LRRC28: variants seen among roughly 807,000 people sequenced by gnomAD.
LRRC28 encodes leucine rich repeat containing 28, also known as leucine-rich repeat-containing protein 28.
LRRC28 carries 39 observed loss-of-function variants against 45.7 expected under a neutral mutation model. The ratio of observed to expected loss-of-function variants is 0.85; its 90% CI spans 0.66 to 1.12. The LOEUF (loss-of-function observed/expected upper bound fraction) is 1.12, where lower values mean the gene tolerates loss of function less well. LRRC28 is among the 50% of genes most tolerant of loss of function. The pLI, the probability that LRRC28 is intolerant of heterozygous loss-of-function variation, is 0.00. For synonymous variants in LRRC28, 206 were observed against 178.8 expected, an observed-to-expected ratio of 1.15 and a Z score of -1.22; for missense variants, 435 against 438.5, an observed-to-expected ratio of 0.99 and a Z score of 0.07.
At chr15:99,324,474 T>C (rs1315786963) in intron 5 of LRRC28, among the ~76,000 whole-genome samples, 1 of 152,094 alleles carries the variant, frequency 6.6e-6, no homozygotes, top group African/African-American at 2.4e-5. Flanking sequence ...ATATCAAGTC[T>C]GTCATTGACT....
chr15:99,299,946 G>A (rs1012756589), intron 5 of LRRC28, among the ~76,000 whole-genome samples: 1 of 152,112 alleles, frequency 6.6e-6, no homozygotes, highest in African/African-American at 2.4e-5. Context: ...ATCACTAGTT[G>A]TTTATATGTC....
intron 3 of LRRC28, among the ~76,000 whole-genome samples, 179 bp downstream of exon 3, chr15:99,276,795 C>G (rs1469560954): frequency 6.6e-6 from 1 of 152,112 alleles, no homozygotes; most frequent in African/African-American, 2.4e-5. Context: ...AAGTATTTAA[C>G]CATTTAAAAT....
intron 3 of LRRC28, chr15:99,285,731 A>G: frequency 1.8e-6 from 1 of 561,248 alleles, no homozygotes; most frequent in Non-Finnish European, 3.2e-6. Context: ...ACTTTAGTTC[A>G]TATTTTGATT....
intron 9 of LRRC28, among the ~76,000 whole-genome samples, chr15:99,379,000 T>C (rs1156433701): frequency 1.3e-5 from 2 of 149,040 alleles, no homozygotes; most frequent in Non-Finnish European, 3.0e-5. Context: ...TCTAAAATTC[T>C]CTTTTTTTGT....
chr15:99,277,356 TAGAA>T (rs967272159), intron 3 of LRRC28, among the ~76,000 whole-genome samples: 14 of 152,226 alleles, frequency 9.2e-5, no homozygotes, highest in Admixed American at 2.0e-4. Flanking sequence ...GTTGAAAACA[TAGAA>T]AGAACACCCG....
intron 4 of LRRC28, 113 bp from the exon 5 acceptor site, chr15:99,287,701 A>G (rs538445793): frequency 1.7e-6 from 2 of 1,149,884 alleles, no homozygotes; most frequent in South Asian, 3.6e-5. Flanking sequence ...TTTTGTGAGC[A>G]ACTGAGACAA....
At chr15:99,379,608 C>T (rs1342109801) in intron 9 of LRRC28, among the ~76,000 whole-genome samples, 4 of 152,092 alleles carry the variant, frequency 2.6e-5, no homozygotes, top group Non-Finnish European at 5.9e-5. Flanking sequence ...GCTCTTGCTT[C>T]TCTAATTCTT....
chr15:99,383,761 A>T (rs955899076), intron 9 of LRRC28, among the ~76,000 whole-genome samples: 1 of 151,800 alleles, frequency 6.6e-6, no homozygotes, highest in Non-Finnish European at 1.5e-5. Flanking sequence ...CCTCCTGGAG[A>T]TTTTCAGGAG....
chr15:99,326,451 G>C (rs1955980527), intron 5 of LRRC28: 1 of 152,192 alleles, frequency 6.6e-6, no homozygotes, highest in South Asian at 2.1e-4. Flanking sequence ...TCATGTCCTG[G>C]GGCAGAGCAA....
intron 5 of LRRC28, among the ~76,000 whole-genome samples, chr15:99,292,451 G>A (rs1224011693): frequency 6.9e-6 from 1 of 144,786 alleles, no homozygotes; most frequent in Non-Finnish European, 1.5e-5. Context: ...TGCAAGCTCC[G>A]CTTCCCGGGT....
chr15:99,254,054 G>A (rs552067769), intron 1 of LRRC28, among the ~76,000 whole-genome samples: 4 of 152,226 alleles, frequency 2.6e-5, no homozygotes, highest in Non-Finnish European at 4.4e-5. Flanking sequence ...TGAGATGGTT[G>A]TGAGACATCT....
chr15:99,284,720 G>A, intron 3 of LRRC28: 1 of 518,644 alleles, frequency 1.9e-6, no homozygotes, highest in Non-Finnish European at 3.8e-6. Flanking sequence ...ACCCCCATAG[G>A]AGCCAGAGCT....
intron 5 of LRRC28, among the ~76,000 whole-genome samples, chr15:99,327,795 G>A (rs1208697529): frequency 6.6e-6 from 1 of 151,606 alleles, no homozygotes; most frequent in African/African-American, 2.4e-5. Flanking sequence ...TTTTCTAAAG[G>A]TGGAAGCTTA....
At chr15:99,314,676 G>A (rs531626014) in intron 5 of LRRC28, among the ~76,000 whole-genome samples, 10 of 152,236 alleles carry the variant, frequency 6.6e-5, no homozygotes, top group East Asian at 3.9e-4. Context: ...GTTTGGGTAC[G>A]TAAACTGCTT....
chr15:99,386,214 T>C lies in LRRC28; in HGVS notation c.*112T>C. On this transcript the variant is annotated 3_prime_UTR_variant, in exon 10 of 10. Transcript: ENST00000301981. ...AATGCGGGGGCACTGCAGAACTCTCTAGAAATGTCATGATTGAGCTTCAGA... is the reference window on the plus strand; with the variant it reads ...AATGCGGGGGCACTGCAGAACTCTCCAGAAATGTCATGATTGAGCTTCAGA... 3 of 820,934 alleles carry C rather than the reference T, an allele frequency of 3.7e-6. No individual in the cohort carries two copies. In the Admixed American group the frequency reaches 5.7e-5, roughly 16 times the overall value. The allele number at this position is 820,934 out of a possible 1,614,324, so 50.9% of individuals were successfully genotyped here.
intron 5 of LRRC28, among the ~76,000 whole-genome samples, chr15:99,293,593 CAAAAAAAAAAAAAAAAAAAAAAAAAAA>C (rs57442636): frequency 2.3e-5 from 1 of 44,066 alleles, no homozygotes; most frequent in Non-Finnish European, 4.4e-5. Flanking sequence ...AACTCTGTCA[CAAAAAAAAAAAAAAAAAAAAAAAAAAA>C]AAAAAAAAAA....
intron 6 of LRRC28, among the ~76,000 whole-genome samples, chr15:99,336,034 A>G (rs1391980897): frequency 6.6e-6 from 1 of 152,190 alleles, no homozygotes; most frequent in Non-Finnish European, 1.5e-5. Context: ...GGTCGCCTAT[A>G]CTACTATTCA....
At chr15:99,304,425 CCTTTT>C (rs1955104000) in intron 5 of LRRC28, among the ~76,000 whole-genome samples, 1 of 151,156 alleles carries the variant, frequency 6.6e-6, no homozygotes, top group African/African-American at 2.4e-5. Flanking sequence ...TATATATATT[CCTTTT>C]CTTTTTTCTT....
chr15:99,382,470 T>C lies in LRRC28; in HGVS notation c.1032-3560T>C, dbSNP rs150310485. On this transcript the variant is annotated intron_variant, in intron 9 of 9. Coordinates refer to ENST00000301981, the MANE Select transcript of LRRC28 (RefSeq NM_144598.5). ...CATCTTGGAACCGCCGAAAATTTGT[T>C]TTATTTCTCTTCAGATTTCTTCTTT... 7.1e-3 allele frequency among the ~76,000 whole-genome samples: 1,084 copies of C among 152,370 alleles called. 6 individuals are homozygous for C. Among genetic ancestry groups the C allele is most frequent in the Middle Eastern group, 0.058 (17 of 294 alleles).
Sources: allele counts gnomAD v4.1 joint callset (sites outside exome capture counted in the v4.1 genomes callset), GRCh38; gene constraint gnomAD v4.1.1; transcripts MANE v1.5; gene names NCBI Gene and HGNC (gene_info 2026-07-23, HGNC 2026-07-21).